BAZ1A: variants seen among roughly 807,000 people sequenced by gnomAD.
BAZ1A encodes bromodomain adjacent to zinc finger domain protein 1A.
In BAZ1A, 50 loss-of-function variants were observed where a neutral mutation model predicts 185.2. The ratio of observed to expected loss-of-function variants is 0.27; its 90% confidence interval spans 0.22 to 0.34. The LOEUF is 0.34. BAZ1A is among the 10% of genes least tolerant of loss of function. The probability of loss-of-function intolerance (pLI) is 1.00; values close to 1 mark genes in which losing one functional copy is unlikely to be tolerated. For missense variants in BAZ1A, 1,356 were observed against 1,839.9 expected, an observed-to-expected ratio of 0.74 and a Z score of 4.81; for synonymous variants, 571 against 615.6, an observed-to-expected ratio of 0.93 and a Z score of 1.07.
intron 2 of BAZ1A, among the ~76,000 whole-genome samples, chr14:34,871,595 A>G (rs2042949051): frequency 6.6e-6 from 1 of 152,244 alleles, no homozygotes; most frequent in African/African-American, 2.4e-5. Context: ...GGCACAGGCC[A>G]AGTGCGGTGG....
intron 11 of BAZ1A, among the ~76,000 whole-genome samples, chr14:34,793,637 T>C (rs1273467478): frequency 6.6e-6 from 1 of 152,150 alleles, no homozygotes; most frequent in Admixed American, 6.6e-5. Context: ...TGAAACCTCA[T>C]CTCTACTAAA....
chr14:34,832,307 C>A (rs779444376), intron 3 of BAZ1A, among the ~76,000 whole-genome samples: 1 of 150,066 alleles, frequency 6.7e-6, no homozygotes, highest in Non-Finnish European at 1.5e-5. Context: ...TCAACACTTA[C>A]AGAAGCATTA....
intron 3 of BAZ1A, among the ~76,000 whole-genome samples, chr14:34,844,791 A>G (rs1013278945): frequency 4.7e-5 from 7 of 148,528 alleles, no homozygotes; most frequent in African/African-American, 9.8e-5. Context: ...ACACACACAC[A>G]CACACACACA....
rs115225438 is a variant in BAZ1A, at chr14:34,753,554, A to G, written c.4625T>C (p.Val1542Ala). ...AGCCGGTGGTGTGCTAACTTGGTCC[A>G]CATTACTGGGTGTGACGTGGAGTCC... ...KLGLHVTPSN[V>A]DQVSTPPAAK... is the part of the protein sequence containing the mutation. The change falls in exon 27 of 27, where the codon GTG (valine) becomes GCG (alanine). Residue 1542 changes from valine to alanine, a missense_variant. Transcript: ENST00000360310. The G allele has an allele frequency of 3.9e-4, 637 of 1,614,138 alleles. 4 individuals are homozygous for G. The African/African-American group carries it at 7.9e-3, about 20-fold the overall frequency.
chr14:34,787,947 T>A (rs1880588500), intron 12 of BAZ1A, among the ~76,000 whole-genome samples: 1 of 152,160 alleles, frequency 6.6e-6, no homozygotes. Flanking sequence ...TCAGATAATG[T>A]ATATTCTAGT....
At chr14:34,865,528 G>A (rs1296112150) in intron 2 of BAZ1A, among the ~76,000 whole-genome samples, 1 of 152,026 alleles carries the variant, frequency 6.6e-6, no homozygotes, top group African/African-American at 2.4e-5. Context: ...CCAAAAATTG[G>A]GGGCAATTCC....
intron 3 of BAZ1A, among the ~76,000 whole-genome samples, chr14:34,855,552 T>C (rs551251848): frequency 2.0e-5 from 3 of 152,190 alleles, no homozygotes; most frequent in Non-Finnish European, 2.9e-5. Context: ...TGCAGGGATG[T>C]TTATTGTATT....
In BAZ1A at chr14:34,837,877, C is replaced by T. The variant is rs561243175; in HGVS notation, c.393-11721G>A. ...GTTAACATTTTAAGATCAGAGACAA[C>T]AACACATTAAATATGAAAAGCCACC... is the stretch of plus-strand genomic sequence containing the variant. On this transcript the variant is annotated intron_variant, in intron 3 of 26. Transcript: ENST00000360310. 1.1e-3 allele frequency among the ~76,000 whole-genome samples: 172 copies of T among 152,210 alleles called. 1 individual carries two copies. Among genetic ancestry groups the T allele is most frequent in the Non-Finnish European group, 2.1e-3 (142 of 68,028 alleles).
rs2041863677 is a variant in BAZ1A, at chr14:34,807,533, C to A, written c.644G>T (p.Arg215Ile). 1 of 1,611,164 alleles carries A rather than the reference C, an allele frequency of 6.2e-7. No homozygotes were observed. Among genetic ancestry groups the A allele is most frequent in the Non-Finnish European group, 8.5e-7 (1 of 1,178,326 alleles). Reference sequence around the variant, plus strand: ...TTTATCACGAGAAAATAGGTGTTTTCTCCGGCTACAGGAGGCAAGGAAGTC... The same window carrying A: ...TTTATCACGAGAAAATAGGTGTTTTATCCGGCTACAGGAGGCAAGGAAGTC... ...AIVKATQISR[R>I]KHLFSRDKLK... The change falls in exon 6 of 27, where the codon AGA (arginine) becomes ATA (isoleucine). Residue 215 changes from arginine (R) to isoleucine (I), a missense_variant. Arg to Ile is a moderately conservative substitution (Grantham distance 97, BLOSUM62 -3). Around this residue, in one of 7 missense-constraint regions of BAZ1A, gnomAD observed 332 missense variants for 395.3 expected, o/e 0.84. Transcript: ENST00000360310.
chr14:34,844,944 T>A (rs2042484924), intron 3 of BAZ1A, among the ~76,000 whole-genome samples: 3 of 152,204 alleles, frequency 2.0e-5, no homozygotes, highest in Admixed American at 2.0e-4. Context: ...CAACAAATTT[T>A]AGTGTTCCTT....
At chr14:34,823,584 C>T (rs1044065229) in intron 4 of BAZ1A, among the ~76,000 whole-genome samples, 1 of 151,822 alleles carries the variant, frequency 6.6e-6, no homozygotes, top group Admixed American at 6.6e-5. Context: ...CACTTGAACC[C>T]GAGAGATGGG....
chr14:34,864,776 ATTTTTT>A (rs35276443), intron 2 of BAZ1A, among the ~76,000 whole-genome samples: 2 of 140,448 alleles, frequency 1.4e-5, no homozygotes, highest in Non-Finnish European at 3.1e-5. Flanking sequence ...AGCGCAATAA[ATTTTTT>A]TTTTTTTTTT....
chr14:34,868,928 A>G (rs12892442), intron 2 of BAZ1A, among the ~76,000 whole-genome samples: 36,040 of 145,730 alleles, frequency 0.25, 4,430 homozygotes, highest in Middle Eastern at 0.31. Context: ...GTGTGTGTGT[A>G]TAATACATGT....
At chr14:34,810,856 G>T in intron 5 of BAZ1A, 79 bp downstream of exon 5, 1 of 993,736 alleles carries the variant, frequency 1.0e-6, no homozygotes, top group African/African-American at 1.6e-5. Context: ...CTTCCCATTT[G>T]TTCTACATCA....
intron 3 of BAZ1A, among the ~76,000 whole-genome samples, chr14:34,852,019 C>G (rs1174676748): frequency 6.6e-6 from 1 of 151,672 alleles, no homozygotes; most frequent in Non-Finnish European, 1.5e-5. Flanking sequence ...CCCAGTTACT[C>G]GGGAGGCTGG....
At chr14:34,844,397 C>T (rs969276765) in intron 3 of BAZ1A, among the ~76,000 whole-genome samples, 58 of 152,132 alleles carry the variant, frequency 3.8e-4, no homozygotes, top group African/African-American at 1.4e-3. Context: ...GAAACATATT[C>T]TGTGTTCATG....
intron 25 of BAZ1A, among the ~76,000 whole-genome samples, chr14:34,757,631 C>T (rs1886316058): frequency 6.6e-6 from 1 of 151,906 alleles, no homozygotes; most frequent in African/African-American, 2.4e-5. Flanking sequence ...CGCCACTGCA[C>T]TCCAGCCGGG....
In BAZ1A at chr14:34,795,740, T is replaced by A. The variant is rs1350844128; in HGVS notation, c.1154A>T (p.Lys385Met). ...EKEREKLREEKRKYVEYLKQW... is the reference protein window; with the variant it reads ...EKEREKLREEMRKYVEYLKQW... ...TTTTAAGTATTCCACATACTTTCGCTTTTCTTCACGTAACTTCTCTCTTTC... is the reference window on the plus strand; with the variant it reads ...TTTTAAGTATTCCACATACTTTCGCATTTCTTCACGTAACTTCTCTCTTTC... The change falls in exon 10 of 27, where the codon AAG becomes ATG. Residue 385 changes from lysine to methionine, a missense_variant. Lys to Met is a moderately conservative substitution (Grantham distance 95). Around this residue, in one of 7 missense-constraint regions of BAZ1A, gnomAD observed 184 missense variants for 355.1 expected, o/e 0.52. Transcript: ENST00000360310. The A allele has an allele frequency of 6.2e-7, 1 of 1,612,874 alleles. No individual in the cohort carries two copies. Among genetic ancestry groups the A allele is most frequent in the Admixed American group, 1.7e-5 (1 of 59,798 alleles).
intron 3 of BAZ1A, among the ~76,000 whole-genome samples, chr14:34,840,957 T>A (rs1158247130): frequency 5.9e-5 from 9 of 152,228 alleles, no homozygotes; most frequent in East Asian, 1.9e-4. Context: ...AATCAATATT[T>A]TTTTTTTTGA....
Sources: allele counts gnomAD v4.1 joint callset (sites outside exome capture counted in the v4.1 genomes callset), GRCh38; gene constraint gnomAD v4.1.1; regional missense constraint gnomAD v4.1.1; transcripts MANE v1.5; gene names NCBI Gene and HGNC (gene_info 2026-07-23, HGNC 2026-07-21).